The following POLD1 variants were observed in gnomAD, a reference collection of about 807,000 sequenced individuals.
The protein encoded by POLD1 is DNA polymerase delta catalytic subunit.
In POLD1, 79 loss-of-function variants were observed where a neutral mutation model predicts 129.7. The ratio of observed to expected loss-of-function variants is 0.61; its 90% CI spans 0.51 to 0.73. The LOEUF (loss-of-function observed/expected upper bound fraction) is 0.73, where lower values mean the gene tolerates loss of function less well. Ranked by LOEUF, POLD1 falls within the 30% of genes least tolerant of loss-of-function variation. The pLI, the probability that POLD1 is intolerant of heterozygous loss-of-function variation, is 0.00. For missense variants in POLD1, 1,338 were observed against 1,595.8 expected, an observed-to-expected ratio of 0.84 and a Z score of 2.75; for synonymous variants, 714 against 683.3, an observed-to-expected ratio of 1.04 and a Z score of -0.70.
At chr19:50,410,824 A>G (rs893434541) in intron 17 of POLD1, among the ~76,000 whole-genome samples, 4 of 152,066 alleles carry the variant, frequency 2.6e-5, no homozygotes, top group African/African-American at 4.8e-5. Context: ...GACTGGCCTT[A>G]GTGACTCCAT....
In POLD1 at chr19:50,398,846, A is replaced by T. The variant is rs1057521291; in HGVS notation, c.-1-5A>T. On this transcript the variant is annotated splice_polypyrimidine_tract_variant and splice_region_variant and intron_variant, in intron 1 of 26. Coordinates refer to ENST00000440232, the MANE Select transcript of POLD1 (RefSeq NM_002691.4). ...ACCTCCACCAAGCTCCAACTTGCCC[A>T]GCAGGATGGATGGCAAGCGGCGGCC... is the stretch of plus-strand genomic sequence containing the variant. The T allele has an allele frequency of 6.2e-7, 1 of 1,608,130 alleles. No homozygotes were observed. The highest frequency in any genetic ancestry group is 8.5e-7 in the Non-Finnish European group (1 of 1,178,698).
At chr19:50,390,420 A>G (rs1242629351) in intron 1 of POLD1, among the ~76,000 whole-genome samples, 5 of 151,996 alleles carry the variant, frequency 3.3e-5, no homozygotes, top group African/African-American at 1.2e-4. Context: ...TGGGTTTTAT[A>G]TTCTGGAGGC....
chr19:50,405,125 C>A (rs1228375744), intron 10 of POLD1, among the ~76,000 whole-genome samples: 2 of 151,976 alleles, frequency 1.3e-5, no homozygotes, highest in Non-Finnish European at 2.9e-5. Context: ...GTTGGCCAGG[C>A]TGGTCTCCAT....
chr19:50,392,257 A>G (rs1477317305), intron 1 of POLD1, among the ~76,000 whole-genome samples: 1 of 151,544 alleles, frequency 6.6e-6, no homozygotes, highest in Non-Finnish European at 1.5e-5. Flanking sequence ...TTTTGTAGAG[A>G]TTGACTAATT....
At position 50,402,972 on chromosome 19, in the gene POLD1, G is replaced by T. The variant is rs960101597; in HGVS notation, c.971-81G>T. The T allele has an allele frequency of 2.1e-5, 32 of 1,505,826 alleles. No homozygotes were observed. The African/African-American group carries it at 3.5e-4, about 16-fold the overall frequency. 93.3% of individuals were successfully genotyped at this position (1,505,826 alleles called of 1,614,324 possible). ...GCCGGCAGGCAGCGGGGACAGCCCC[G>T]GGGAGATGGCAGGTGCAGCCTCCCT... On this transcript the variant is annotated intron_variant, in intron 8 of 26. Transcript: ENST00000440232.
chr19:50,388,569 T>C (rs1182176622), intron 1 of POLD1, among the ~76,000 whole-genome samples: 4 of 152,214 alleles, frequency 2.6e-5, no homozygotes, highest in Non-Finnish European at 5.9e-5. Context: ...TGTAAATTTG[T>C]TACTATTTTC....
In POLD1 at chr19:50,414,962, G is replaced by A. The variant is rs2039221991; in HGVS notation, c.2536G>A (p.Ala846Thr). The A allele has an allele frequency of 1.3e-6, 2 of 1,597,220 alleles. No homozygotes were observed. The highest frequency in any genetic ancestry group is 1.7e-6 in the Non-Finnish European group (2 of 1,171,076). Residue 846 changes from alanine (A) to threonine (T), a missense_variant, in exon 20 of 27, where the codon GCC becomes ACC. Transcript: ENST00000440232. ...NCPLVANLVT[A>T]SLRRLLIDRD... Reference sequence around the variant, plus strand: ...CCCCCTCGTGGCCAACCTGGTCACTGCCTCACTGCGCCGCCTGCTCATCGA... The same window carrying A: ...CCCCCTCGTGGCCAACCTGGTCACTACCTCACTGCGCCGCCTGCTCATCGA...
chr19:50,405,935 G>GCC (rs2122310383), intron 10 of POLD1, among the ~76,000 whole-genome samples: 1 of 152,124 alleles, frequency 6.6e-6, no homozygotes, highest in Admixed American at 6.5e-5. Context: ...TCCATCCTTG[G>GCC]CCCCCAGTCC....
chr19:50,388,037 C>T (rs1427850602), intron 1 of POLD1, among the ~76,000 whole-genome samples: 4 of 152,132 alleles, frequency 2.6e-5, no homozygotes, highest in Non-Finnish European at 5.9e-5. Context: ...CACACATGAG[C>T]GATGAACACA....
At chr19:50,401,704 A>G (rs1041638680) in intron 3 of POLD1, 74 bp from the exon 4 acceptor site, 1 of 1,525,516 alleles carries the variant, frequency 6.6e-7, no homozygotes, top group African/African-American at 1.4e-5. Context: ...GCCCCAAGGT[A>G]TTTCGAGGCT....
In POLD1 at chr19:50,406,034, C is replaced by G. The variant is rs1441695772; in HGVS notation, c.1243-148C>G. On this transcript the variant is annotated intron_variant, in intron 10 of 26. Coordinates refer to ENST00000440232, the MANE Select transcript of POLD1 (RefSeq NM_002691.4). This position sits in a 1 kb window ranked among gnomAD's most constrained non-coding sequence, Gnocchi z 5.5. ...CTCCCCAGTCTCCAGCCACCCACACCCAGCCCCAGACCGTCTTTCTGCCCC... is the reference window on the plus strand; with the variant it reads ...CTCCCCAGTCTCCAGCCACCCACACGCAGCCCCAGACCGTCTTTCTGCCCC... The G allele has an allele frequency of 1.1e-6, 1 of 896,066 alleles. No homozygotes were observed. Among genetic ancestry groups the G allele is most frequent in the East Asian group, 2.4e-5 (1 of 40,884 alleles). 55.5% of individuals were successfully genotyped at this position (896,066 alleles called of 1,614,324 possible).
In POLD1 at chr19:50,399,456, C is replaced by A. The variant is rs540110228; in HGVS notation, c.288C>A (p.Phe96Leu). 2.5e-6 allele frequency: 4 copies of A among 1,613,862 alleles called. No homozygotes were observed. The highest frequency in any genetic ancestry group is 3.4e-6 in the Non-Finnish European group (4 of 1,179,726). ...ACCCCCAGACAGAGCCCCTCATCTT[C>A]CAACAGTTGGAGATTGACCATTATG... ...ALDPQTEPLI[F>L]QQLEIDHYVG... The change falls in exon 3 of 27, where the codon TTC becomes TTA. Residue 96 changes from phenylalanine to leucine, a missense_variant. Phe to Leu is a conservative substitution (Grantham distance 22). Transcript: ENST00000440232.
chr19:50,402,636 G>C lies in POLD1; in HGVS notation c.865G>C (p.Asp289His), dbSNP rs2122256179. Residue 289 changes from aspartate to histidine, a missense_variant, in exon 8 of 27, where the codon GAC (aspartate) becomes CAC (histidine). Around this residue, in one of 3 missense-constraint regions of POLD1, gnomAD observed 720 missense variants for 1,002.6 expected, o/e 0.72. Transcript: ENST00000440232. ...EKATQCQLEA[D>H]VLWSDVVSHP... Reference sequence around the variant, plus strand: ...GGCTACGCAGTGCCAGCTGGAGGCGGACGTGCTGTGGTCTGACGTGGTCAG... The same window carrying C: ...GGCTACGCAGTGCCAGCTGGAGGCGCACGTGCTGTGGTCTGACGTGGTCAG... 6.3e-7 allele frequency: 1 copy of C among 1,579,508 alleles called. No homozygotes were observed.
At chr19:50,395,122 T>A (rs1228192540) in intron 1 of POLD1, 1 of 147,472 alleles carries the variant, frequency 6.8e-6, no homozygotes, top group Non-Finnish European at 1.5e-5. Context: ...GGATTATAGG[T>A]GCGAGCCACG....
At position 50,406,046 on chromosome 19, in the gene POLD1, C is replaced by T. The variant is rs747231221; in HGVS notation, c.1243-136C>T. On this transcript the variant is annotated intron_variant, in intron 10 of 26. Coordinates refer to ENST00000440232, the MANE Select transcript of POLD1 (RefSeq NM_002691.4). The surrounding 1 kb of genome is among the most constrained non-coding windows in gnomAD (Gnocchi z 5.5). ...CAGCCACCCACACCCAGCCCCAGAC[C>T]GTCTTTCTGCCCCCAGGGTTGCTCT... 1.5e-5 allele frequency: 15 copies of T among 1,000,626 alleles called. No individual in the cohort carries two copies. The highest frequency in any genetic ancestry group is 2.4e-5 in the East Asian group (1 of 41,484). 62.0% of individuals were successfully genotyped at this position (1,000,626 alleles called of 1,614,324 possible).
intron 17 of POLD1, among the ~76,000 whole-genome samples, chr19:50,410,223 G>A (rs1036916417): frequency 5.9e-5 from 9 of 152,204 alleles, no homozygotes; most frequent in African/African-American, 1.2e-4. Flanking sequence ...CTGAGTTTCC[G>A]AGATTGCCAA....
intron 26 of POLD1, among the ~76,000 whole-genome samples, chr19:50,417,480 G>A (rs1331171849): frequency 6.6e-6 from 1 of 152,194 alleles, no homozygotes; most frequent in Non-Finnish European, 1.5e-5. Context: ...TAGGGAGGCA[G>A]CGCCCGGCAC....
At position 50,398,931 on chromosome 19, in the gene POLD1, A is replaced by T. The variant is rs150066950; in HGVS notation, c.80A>T (p.Asp27Val). Reference sequence around the variant, plus strand: ...CGTGGGGGCCTCTGGGATGATGATGATGCACCTCGGCCATCCCAATTCGAG... The same window carrying T: ...CGTGGGGGCCTCTGGGATGATGATGTTGCACCTCGGCCATCCCAATTCGAG... ...RARGGLWDDD[D>V]APRPSQFEED... The change falls in exon 2 of 27, where the codon GAT becomes GTT. Residue 27 changes from aspartate to valine, a missense_variant. Physicochemically the swap from Asp to Val is radical, Grantham distance 152 (BLOSUM62 -3). Transcript: ENST00000440232. 2.6e-3 allele frequency: 4,151 copies of T among 1,595,608 alleles called. 5 individuals are homozygous for T. Among genetic ancestry groups the T allele is most frequent in the Non-Finnish European group, 3.3e-3 (3,826 of 1,172,376 alleles).
intron 1 of POLD1, among the ~76,000 whole-genome samples, chr19:50,385,689 A>G (rs1324901964): frequency 6.6e-6 from 1 of 151,704 alleles, no homozygotes; most frequent in Non-Finnish European, 1.5e-5. Flanking sequence ...TGCCATGCCC[A>G]GCTCATTTTT....
Sources: allele counts gnomAD v4.1 joint callset (sites outside exome capture counted in the v4.1 genomes callset), GRCh38; gene constraint gnomAD v4.1.1; regional missense constraint gnomAD v4.1.1; non-coding constraint Gnocchi (gnomAD v3.1); transcripts MANE v1.5; gene names NCBI Gene and HGNC (gene_info 2026-07-23, HGNC 2026-07-21).